SCAPER: variants seen among roughly 807,000 people sequenced by gnomAD.
The protein encoded by SCAPER is S-phase cyclin A associated protein in the ER.
A neutral mutation model predicts 182.2 loss-of-function variants in SCAPER; 98 were observed. The ratio of observed to expected loss-of-function variants is 0.54; its 90% confidence interval spans 0.46 to 0.64. SCAPER has a LOEUF of 0.64. SCAPER is among the 30% of genes least tolerant of loss of function. The pLI, the probability that SCAPER is intolerant of heterozygous loss-of-function variation, is 0.00. For missense variants in SCAPER, 1,432 were observed against 1,690.0 expected, an observed-to-expected ratio of 0.85 and a Z score of 2.68; for synonymous variants, 605 against 564.6, an observed-to-expected ratio of 1.07 and a Z score of -1.01.
At chr15:76,472,247 G>T in intron 24 of SCAPER, 1 of 556,254 alleles carries the variant, frequency 1.8e-6, no homozygotes, top group Non-Finnish European at 3.5e-6. Flanking sequence ...AGAGAGAGGA[G>T]GTACCCAAAA....
At chr15:76,688,586 T>C (rs1391719581) in intron 20 of SCAPER, among the ~76,000 whole-genome samples, 1 of 152,180 alleles carries the variant, frequency 6.6e-6, no homozygotes, top group African/African-American at 2.4e-5. Flanking sequence ...AAGTCTTTAA[T>C]TCATCTTGAG....
chr15:76,500,560 T>C (rs2041011355), intron 24 of SCAPER, among the ~76,000 whole-genome samples: 1 of 152,174 alleles, frequency 6.6e-6, no homozygotes, highest in Non-Finnish European at 1.5e-5. Flanking sequence ...TAAGTACATA[T>C]ACTACAAACT....
In SCAPER at chr15:76,796,307, G is replaced by A. The variant is rs564132910; in HGVS notation, c.612-867C>T. Among the ~76,000 whole-genome samples, 12 of 152,128 alleles carry A rather than the reference G, an allele frequency of 7.9e-5. No homozygotes were observed. In the East Asian group the frequency reaches 9.6e-4, roughly 12 times the overall value. On this transcript the variant is annotated intron_variant, in intron 7 of 31. Transcript: ENST00000563290. The stretch of plus-strand genomic sequence containing the variant: ...CCCCAAATTTTTATAGTTATCCTGT[G>A]TACTCCTCATTTGACAGCAACTTTA...
rs1425368884 is a variant in SCAPER at position 76,592,581 on chromosome 15, G to A, written c.2712-18297C>T. ...TTCTGCAGCTCCCAGCGAGATCAAC[G>A]CAGAAGGCAGGTGATTTCTGCATTT... On this transcript the variant is annotated intron_variant, in intron 22 of 31. Coordinates refer to ENST00000563290, the MANE Select transcript of SCAPER (RefSeq NM_020843.4). Among the ~76,000 whole-genome samples, 4 of 122,708 alleles carry A rather than the reference G, an allele frequency of 3.3e-5. 2 individuals carry two copies. Among genetic ancestry groups the A allele is most frequent in the Admixed American group, 1.8e-4 (2 of 11,000 alleles). The allele number at this position is 122,708 out of a possible 152,430, so 80.5% of individuals were successfully genotyped here.
intron 15 of SCAPER, among the ~76,000 whole-genome samples, chr15:76,751,141 C>G (rs1397566843): frequency 6.6e-6 from 1 of 151,394 alleles, no homozygotes; most frequent in Non-Finnish European, 1.5e-5. Context: ...AACAATAGCA[C>G]CAAAAATAAT....
At chr15:76,788,522 A>C (rs776705214) in intron 8 of SCAPER, among the ~76,000 whole-genome samples, 1 of 152,146 alleles carries the variant, frequency 6.6e-6, no homozygotes, top group Non-Finnish European at 1.5e-5. Context: ...TTTTATTTTC[A>C]GGAGAAAACA....
In SCAPER at chr15:76,530,599, C is replaced by T. The variant is rs547158632; in HGVS notation, c.2839-25625G>A. On this transcript the variant is annotated intron_variant, in intron 23 of 31. Transcript: ENST00000563290. ...CACACTTAGGAGGGTCTTGTTCTTC[C>T]TATGGTTTTTCCAAACAACTGAATT... Among the ~76,000 whole-genome samples, 4 of 152,228 alleles carry T rather than the reference C, an allele frequency of 2.6e-5. No individual in the cohort carries two copies. In the East Asian group the frequency reaches 5.8e-4, roughly 22 times the overall value.
At chr15:76,508,086 C>T (rs1473082901) in intron 23 of SCAPER, among the ~76,000 whole-genome samples, 2 of 151,970 alleles carry the variant, frequency 1.3e-5, no homozygotes, top group Non-Finnish European at 2.9e-5. Flanking sequence ...TTCACTGTCT[C>T]TTCCTTGTCC....
intron 8 of SCAPER, among the ~76,000 whole-genome samples, chr15:76,786,075 T>C (rs1174179663): frequency 6.6e-6 from 1 of 151,994 alleles, no homozygotes; most frequent in Non-Finnish European, 1.5e-5. Context: ...ATGCCTGTAA[T>C]CCCAGCACTT....
At chr15:76,693,724 C>A (rs570987252) in intron 20 of SCAPER, among the ~76,000 whole-genome samples, 1 of 152,174 alleles carries the variant, frequency 6.6e-6, no homozygotes, top group African/African-American at 2.4e-5. Context: ...GAACATTACA[C>A]TAAGTGAAAT....
chr15:76,857,792 A>T lies in SCAPER; in HGVS notation c.195+17T>A, dbSNP rs759843583. 28 of 1,451,118 alleles carry T rather than the reference A, an allele frequency of 1.9e-5. No individual in the cohort carries two copies. The highest frequency in any genetic ancestry group is 4.6e-6 in the Non-Finnish European group (5 of 1,084,724). 89.9% of individuals were successfully genotyped at this position (1,451,118 alleles called of 1,614,324 possible). On this transcript the variant is annotated intron_variant, in intron 4 of 31. Coordinates refer to ENST00000563290, the MANE Select transcript of SCAPER (RefSeq NM_020843.4). Reference sequence around the variant, plus strand: ...GAAATTAAAAGTAAATAAGTAAAAAAGTTATAGATGCTGTACCTGTTTAGT... The same window carrying T: ...GAAATTAAAAGTAAATAAGTAAAAATGTTATAGATGCTGTACCTGTTTAGT...
chr15:76,358,564 T>A (rs557295269), intron 29 of SCAPER, among the ~76,000 whole-genome samples: 1 of 152,352 alleles, frequency 6.6e-6, no homozygotes, highest in African/African-American at 2.4e-5. Context: ...TGTGCTCACA[T>A]GGTCTCTCCT....
intron 21 of SCAPER, among the ~76,000 whole-genome samples, chr15:76,641,452 C>T (rs965784094): frequency 9.9e-5 from 15 of 151,956 alleles, no homozygotes; most frequent in African/African-American, 2.4e-4. Flanking sequence ...GTTGGCACCA[C>T]GGGACCACAA....
chr15:76,781,232 C>T (rs1336525143), intron 8 of SCAPER, among the ~76,000 whole-genome samples: 3 of 152,066 alleles, frequency 2.0e-5, no homozygotes, highest in Non-Finnish European at 2.9e-5. Flanking sequence ...AAGAGAACTT[C>T]GTGATGCATG....
At chr15:76,720,838 T>A (rs1012515961) in intron 17 of SCAPER, among the ~76,000 whole-genome samples, 1 of 152,228 alleles carries the variant, frequency 6.6e-6, no homozygotes, top group Non-Finnish European at 1.5e-5. Context: ...CTTTGTCAGA[T>A]GAGTAGGTTG....
At chr15:76,635,672 T>C (rs1227016242) in intron 21 of SCAPER, among the ~76,000 whole-genome samples, 1 of 152,202 alleles carries the variant, frequency 6.6e-6, no homozygotes, top group Non-Finnish European at 1.5e-5. Flanking sequence ...CTTTTGCCAC[T>C]GAGTATGGCT....
chr15:76,433,018 A>G (rs1244840072), intron 26 of SCAPER, among the ~76,000 whole-genome samples: 1 of 152,220 alleles, frequency 6.6e-6, no homozygotes, highest in African/African-American at 2.4e-5. Context: ...AGGTTAACCT[A>G]CTAGGTGTAA....
At chr15:76,635,497 G>A (rs1049764206) in intron 21 of SCAPER, among the ~76,000 whole-genome samples, 10 of 152,110 alleles carry the variant, frequency 6.6e-5, no homozygotes, top group South Asian at 6.2e-4. Context: ...GTTTTAAGAC[G>A]TCATCTTAAA....
intron 25 of SCAPER, among the ~76,000 whole-genome samples, chr15:76,456,456 T>C (rs1285962429): frequency 6.6e-6 from 1 of 152,264 alleles, no homozygotes; most frequent in African/African-American, 2.4e-5. Flanking sequence ...TCAGAGGACA[T>C]ATTTTCAATG....
Sources: gnomAD v4.1 joint callset for allele counts (sites outside exome capture counted in the v4.1 genomes callset) on GRCh38, gnomAD v4.1.1 for gene constraint, MANE v1.5 for transcripts, NCBI Gene and HGNC (gene_info 2026-07-23, HGNC 2026-07-21) for gene names.